The following PIMREG variants were observed in gnomAD, a reference collection of about 807,000 sequenced individuals.
PIMREG encodes protein PIMREG.
A neutral mutation model predicts 24.3 loss-of-function variants in PIMREG; 19 were observed. That is an observed-to-expected ratio of 0.78 (90% CI 0.54 to 1.15). The LOEUF is 1.15. PIMREG is among the 50% of genes most tolerant of loss of function. PIMREG has a pLI of 0.00. For synonymous variants in PIMREG, 112 were observed against 124.1 expected, an observed-to-expected ratio of 0.90 and a Z score of 0.65; for missense variants, 283 against 306.8, an observed-to-expected ratio of 0.92 and a Z score of 0.58.
intron 2 of PIMREG, chr17:6,446,116 C>T (rs1913561281): frequency 5.0e-6 from 2 of 399,548 alleles, no homozygotes; most frequent in Non-Finnish European, 8.8e-6. Context: ...CAGGAGCTGC[C>T]GAGAAGGTCC....
Position 6,451,297 on chromosome 17 carries a change from A to C in PIMREG, c.*950A>C, listed in dbSNP as rs897930581. On this transcript the variant is annotated 3_prime_UTR_variant, in exon 6 of 6. Coordinates refer to ENST00000572447, the MANE Select transcript of PIMREG (RefSeq NM_019013.3). ...AGAAGGTTTTTATTTAAGTGACAAC[A>C]TTTGAGAGCTAAAAACCAGCTCACA... 10 of 152,242 alleles carry C rather than the reference A, an allele frequency of 6.6e-5. No homozygotes were observed. Among genetic ancestry groups the C allele is most frequent in the African/African-American group, 2.4e-4 (10 of 41,468 alleles). The allele number at this position is 152,242 out of a possible 1,614,324, so 9.4% of individuals were successfully genotyped here.
chr17:6,448,281 T>TAAAAAAAAAAAAA (rs1913663201), intron 3 of PIMREG, among the ~76,000 whole-genome samples: 1 of 2,112 alleles, frequency 4.7e-4, no homozygotes, highest in African/African-American at 1.8e-3. Flanking sequence ...AGACCCTGTC[T>TAAAAAAAAAAAAA]CAAAAAAAAA....
intron 5 of PIMREG, 125 bp downstream of exon 5, chr17:6,450,197 T>A: frequency 8.2e-7 from 1 of 1,216,986 alleles, no homozygotes; most frequent in East Asian, 2.4e-5. Context: ...ACTTGCCGCT[T>A]GAAGCCAGAG....
rs767288905 is a variant in PIMREG, at chr17:6,447,773, G to A, written c.590+15G>A. 5 of 1,581,460 alleles carry A rather than the reference G, an allele frequency of 3.2e-6. No homozygotes were observed. The South Asian group carries it at 3.4e-5, about 11-fold the overall frequency. On this transcript the variant is annotated intron_variant, in intron 3 of 5. Coordinates refer to ENST00000572447, the MANE Select transcript of PIMREG (RefSeq NM_019013.3). Reference sequence around the variant, plus strand: ...TGCTCTCCCAGGCAAGTGGGATAGTGCTTCACCCCGGGGCTGGTGGCCTTT... The same window carrying A: ...TGCTCTCCCAGGCAAGTGGGATAGTACTTCACCCCGGGGCTGGTGGCCTTT...
rs1294914597 is a variant in PIMREG, at chr17:6,449,405, G to C, written c.684G>C (p.Glu228Asp). ...TAGATGAAGCCATTATGGCGGAAGAGAGGTGAGTTGGCATCCCATGCTTCA... is the reference window on the plus strand; with the variant it reads ...TAGATGAAGCCATTATGGCGGAAGACAGGTGAGTTGGCATCCCATGCTTCA... The part of the protein sequence containing the change: ...QELDEAIMAE[E>D]SGDIVSLIHD Residue 228 changes from glutamate (E) to aspartate (D), a missense_variant and splice_region_variant, in exon 4 of 6, where the codon GAG (glutamate) becomes GAC (aspartate). By Grantham distance (45) the Glu-to-Asp change is conservative. Transcript: ENST00000572447. 2 of 1,612,356 alleles carry C rather than the reference G, an allele frequency of 1.2e-6. No homozygotes were observed. Among genetic ancestry groups the C allele is most frequent in the South Asian group, 1.1e-5 (1 of 90,828 alleles).
rs754268584 is a variant in PIMREG at position 6,445,417 on chromosome 17, A to G, written c.294+13A>G. The G allele has an allele frequency of 2.5e-6, 4 of 1,589,426 alleles. No homozygotes were observed. Among genetic ancestry groups the G allele is most frequent in the Non-Finnish European group, 3.4e-6 (4 of 1,165,610 alleles). On this transcript the variant is annotated intron_variant, in intron 2 of 5. Coordinates refer to ENST00000572447, the MANE Select transcript of PIMREG (RefSeq NM_019013.3). Reference sequence around the variant, plus strand: ...TGCCGTGTCCCAGGTAATACTGACAACACTAATCATCTTTTTTATGGAGTG... The same window carrying G: ...TGCCGTGTCCCAGGTAATACTGACAGCACTAATCATCTTTTTTATGGAGTG...
At chr17:6,448,925 T>A (rs1913695907) in intron 3 of PIMREG, among the ~76,000 whole-genome samples, 1 of 152,204 alleles carries the variant, frequency 6.6e-6, no homozygotes, top group Non-Finnish European at 1.5e-5. Context: ...CGGTTCCGCG[T>A]CCAGAGCCAG....
chr17:6,446,153 A>G (rs1436334009), intron 2 of PIMREG: 3 of 400,504 alleles, frequency 7.5e-6, no homozygotes, highest in East Asian at 3.6e-5. Flanking sequence ...CTGTCAAATG[A>G]GAGCTGCTGT....
Position 6,445,118 on chromosome 17 carries a change from C to T in PIMREG, c.8C>T (p.Ser3Phe). 6.3e-7 allele frequency: 1 copy of T among 1,593,436 alleles called. No homozygotes were observed. Among genetic ancestry groups the T allele is most frequent in the South Asian group, 1.1e-5 (1 of 89,592 alleles). MA[S>F]RWQNMGTSVR... ...AGACTCTTGGCCAGGCAGATGGCTTCTCGGTGGCAGAACATGGGGACCTCC... is the reference window on the plus strand; with the variant it reads ...AGACTCTTGGCCAGGCAGATGGCTTTTCGGTGGCAGAACATGGGGACCTCC... Residue 3 changes from serine to phenylalanine, a missense_variant, in exon 2 of 6, where the codon TCT becomes TTT. Coordinates refer to ENST00000572447, the MANE Select transcript of PIMREG (RefSeq NM_019013.3).
At chr17:6,449,094 G>C (rs1426447086) in intron 3 of PIMREG, among the ~76,000 whole-genome samples, 2 of 152,168 alleles carry the variant, frequency 1.3e-5, no homozygotes, top group Non-Finnish European at 2.9e-5. Flanking sequence ...TTCCAAGTGG[G>C]GAAGCTGCAA....
intron 3 of PIMREG, 133 bp downstream of exon 3, chr17:6,447,891 G>C (rs1913647552): frequency 1.2e-6 from 1 of 840,262 alleles, no homozygotes; most frequent in South Asian, 1.9e-5. Context: ...TGGAGCCAGG[G>C]GCACCCTGAG....
chr17:6,450,919 G>A lies in PIMREG; in HGVS notation c.*572G>A, dbSNP rs1913805813. 2 of 156,070 alleles carry A rather than the reference G, an allele frequency of 1.3e-5. No homozygotes were observed. The highest frequency in any genetic ancestry group is 4.8e-5 in the African/African-American group (2 of 41,632). 9.7% of individuals were successfully genotyped at this position (156,070 alleles called of 1,614,324 possible). A position where few individuals can be genotyped will look rare whatever the true frequency, so the allele number is the denominator to read the frequency against. ...GCTCAGTGCAGAGCACTGTGGATGT[G>A]CCAGGAGGGGTAGCCCTGTTCAAGA... On this transcript the variant is annotated 3_prime_UTR_variant, in exon 6 of 6. Transcript: ENST00000572447.
At chr17:6,446,187 T>C in intron 2 of PIMREG, 2 of 401,240 alleles carry the variant, frequency 5.0e-6, no homozygotes, top group East Asian at 7.1e-5. Context: ...TTATATTGGA[T>C]GTAAGTGTCT....
chr17:6,449,381 A>G lies in PIMREG; in HGVS notation c.660A>G (p.Leu220=), dbSNP rs763862600. 6.2e-6 allele frequency: 10 copies of G among 1,613,254 alleles called. No homozygotes were observed. Among genetic ancestry groups the G allele is most frequent in the African/African-American group, 1.3e-5 (1 of 75,046 alleles). The change falls in exon 4 of 6, where the codon CTA becomes CTG. Residue 220 remains leucine (L), a synonymous_variant. Coordinates refer to ENST00000572447, the MANE Select transcript of PIMREG (RefSeq NM_019013.3). The stretch of plus-strand genomic sequence containing the variant: ...ATCTCCAGAAGCTGTCCCAAGAGCT[A>G]GATGAAGCCATTATGGCGGAAGAGA... ...IQHLQKLSQE[L]DEAIMAEESG... is the part of the protein sequence containing the mutation.
Position 6,447,542 on chromosome 17 carries a change from C to G in PIMREG, c.374C>G (p.Ala125Gly). ...QVKARRRKRG[A>G]QKGSGSPTHS... ...AAGGCCAGGAGGCGGAAGAGAGGAG[C>G]ACAGAAGGGCAGTGGATCCCCAACT... Residue 125 changes from alanine (A) to glycine (G), a missense_variant, in exon 3 of 6, where the codon GCA becomes GGA. Coordinates refer to ENST00000572447, the MANE Select transcript of PIMREG (RefSeq NM_019013.3). 1.2e-6 allele frequency: 2 copies of G among 1,614,158 alleles called. No homozygotes were observed. Among genetic ancestry groups the G allele is most frequent in the African/African-American group, 1.3e-5 (1 of 75,038 alleles).
Position 6,450,020 on chromosome 17 carries a change from C to A in PIMREG, c.687-8C>A. On this transcript the variant is annotated splice_region_variant and splice_polypyrimidine_tract_variant and intron_variant, in intron 4 of 5. Coordinates refer to ENST00000572447, the MANE Select transcript of PIMREG (RefSeq NM_019013.3). ...CCCAGTGGCATCAATCCCTCCCCTT[C>A]TCTCTAGTGGTGACATCGTCTCTCT... The A allele has an allele frequency of 6.2e-7, 1 of 1,614,078 alleles. No homozygotes were observed. The highest frequency in any genetic ancestry group is 8.5e-7 in the Non-Finnish European group (1 of 1,179,910).
intron 3 of PIMREG, among the ~76,000 whole-genome samples, chr17:6,449,067 G>A (rs1044481681): frequency 2.6e-5 from 4 of 152,316 alleles, no homozygotes; most frequent in East Asian, 1.9e-4. Context: ...AAGCCACCTG[G>A]AGAGCTGAGG....
At position 6,449,990 on chromosome 17, in the gene PIMREG, C is replaced by T. The variant is rs186532401; in HGVS notation, c.687-38C>T. Reference sequence around the variant, plus strand: ...GCTGGGAGGGCCCTCTCAGAGCCCACCACACCCAGTGGCATCAATCCCTCC... The same window carrying T: ...GCTGGGAGGGCCCTCTCAGAGCCCATCACACCCAGTGGCATCAATCCCTCC... On this transcript the variant is annotated intron_variant, in intron 4 of 5. Transcript: ENST00000572447. 2.7e-4 allele frequency: 441 copies of T among 1,609,412 alleles called. 1 individual carries two copies. The African/African-American group carries it at 4.8e-3, about 18-fold the overall frequency.
chr17:6,445,984 G>A (rs1913556882), intron 2 of PIMREG: 1 of 399,772 alleles, frequency 2.5e-6, no homozygotes, highest in Non-Finnish European at 4.4e-6. Flanking sequence ...ATTCTAAACA[G>A]TGGAAAGTCT....
Sources: allele counts gnomAD v4.1 joint callset (sites outside exome capture counted in the v4.1 genomes callset), GRCh38; gene constraint gnomAD v4.1.1; transcripts MANE v1.5; gene names NCBI Gene and HGNC (gene_info 2026-07-23, HGNC 2026-07-21).